The following SNTG1 variants were observed in gnomAD, a reference collection of about 807,000 sequenced individuals.
SNTG1 encodes gamma-1-syntrophin.
SNTG1 carries 39 observed loss-of-function variants against 74.7 expected under a neutral mutation model. The observed-to-expected ratio is 0.52, with a 90% CI of 0.40 to 0.68. The LOEUF (loss-of-function observed/expected upper bound fraction) is 0.68. Among genes scored for constraint, SNTG1 ranks in the 30% least tolerant of loss-of-function variants. The pLI, the probability that SNTG1 is intolerant of heterozygous loss-of-function variation, is 0.00. For synonymous variants in SNTG1, 254 were observed against 217.1 expected (o/e 1.17, Z -1.49); for missense variants, 685 against 609.5 (o/e 1.12, Z -1.30).
intron 12 of SNTG1, among the ~76,000 whole-genome samples, chr8:50,575,272 T>C (rs2094570565): frequency 6.6e-6 from 1 of 152,214 alleles, no homozygotes; most frequent in African/African-American, 2.4e-5. Flanking sequence ...TTTTTGAATA[T>C]TTATTTTTAT....
chr8:50,668,161 T>A (rs1232002460), intron 15 of SNTG1, among the ~76,000 whole-genome samples: 1 of 151,998 alleles, frequency 6.6e-6, no homozygotes, highest in Non-Finnish European at 1.5e-5. Context: ...ATTAAAAACA[T>A]AATTTTATTT....
intron 1 of SNTG1, among the ~76,000 whole-genome samples, chr8:50,154,513 G>A (rs2082189125): frequency 6.6e-6 from 1 of 151,952 alleles, no homozygotes; most frequent in Non-Finnish European, 1.5e-5. Flanking sequence ...ACCTGTCTTA[G>A]TAACTTTAGA....
At chr8:50,037,253 T>C (rs1016775781) in intron 1 of SNTG1, among the ~76,000 whole-genome samples, 1 of 152,164 alleles carries the variant, frequency 6.6e-6, no homozygotes, top group African/African-American at 2.4e-5. Flanking sequence ...ATCTTAAAGG[T>C]TTTTTGCTGA....
At chr8:50,438,444 A>T in intron 4 of SNTG1, 99 bp from the exon 5 acceptor site, 1 of 954,454 alleles carries the variant, frequency 1.0e-6, no homozygotes, top group Non-Finnish European at 1.6e-6. Flanking sequence ...TTTAAAGAGC[A>T]AAAGCAAAAC....
At chr8:50,301,400 A>T (rs1369603895) in intron 2 of SNTG1, among the ~76,000 whole-genome samples, 4 of 152,120 alleles carry the variant, frequency 2.6e-5, no homozygotes, top group Non-Finnish European at 1.5e-5. Context: ...TGAATTCCAG[A>T]ATTTCAACTT....
At chr8:50,676,979 T>C (rs1170728115) in intron 15 of SNTG1, among the ~76,000 whole-genome samples, 4 of 151,972 alleles carry the variant, frequency 2.6e-5, no homozygotes, top group Non-Finnish European at 5.9e-5. Flanking sequence ...TTCCAATATT[T>C]GGAGTGAAAA....
At chr8:49,990,828 C>T (rs1016063696) in intron 1 of SNTG1, among the ~76,000 whole-genome samples, 1 of 152,038 alleles carries the variant, frequency 6.6e-6, no homozygotes, top group African/African-American at 2.4e-5. Flanking sequence ...CCTAAAACTA[C>T]AAATATTATT....
At chr8:49,982,930 G>C (rs2130170653) in intron 1 of SNTG1, among the ~76,000 whole-genome samples, 1 of 152,290 alleles carries the variant, frequency 6.6e-6, no homozygotes, top group South Asian at 2.1e-4. Context: ...GAGTTGTAAA[G>C]TTATTGATTT....
chr8:50,452,506 C>CG (rs577318118), intron 8 of SNTG1, among the ~76,000 whole-genome samples: 129 of 152,252 alleles, frequency 8.5e-4, no homozygotes, highest in Admixed American at 2.0e-3. Context: ...TGCTGTTAGA[C>CG]GGAATGCAAT....
intron 13 of SNTG1, among the ~76,000 whole-genome samples, chr8:50,645,523 T>G (rs2095103346): frequency 1.3e-5 from 2 of 152,180 alleles, no homozygotes; most frequent in African/African-American, 2.4e-5. Context: ...GTGTGGCTTA[T>G]AAATTTTGGT....
chr8:50,274,906 T>G (rs1373807484), intron 2 of SNTG1, among the ~76,000 whole-genome samples: 1 of 152,226 alleles, frequency 6.6e-6, no homozygotes, highest in Non-Finnish European at 1.5e-5. Flanking sequence ...TAAATTCCAC[T>G]CGGTAGTACT....
At position 50,579,192 on chromosome 8, in the gene SNTG1, T is replaced by A. The variant is rs186319365; in HGVS notation, c.811-11687T>A. Among the ~76,000 whole-genome samples the A allele has an allele frequency of 3.7e-3, 568 of 152,300 alleles. 1 individual carries two copies. The highest frequency in any genetic ancestry group is 6.4e-3 in the Non-Finnish European group (432 of 68,024). On this transcript the variant is annotated intron_variant, in intron 12 of 18. Coordinates refer to ENST00000642720, the MANE Select transcript of SNTG1 (RefSeq NM_018967.5). ...TGGAGATGAGGAACTTGTTGGGAAC[T>A]GGAGTAAAGGTCACTCTTGCTATTC...
intron 12 of SNTG1, among the ~76,000 whole-genome samples, chr8:50,590,522 GATATA>G (rs1454140748): frequency 2.6e-5 from 4 of 151,954 alleles, no homozygotes; most frequent in Non-Finnish European, 4.4e-5. Flanking sequence ...AAACAAATTG[GATATA>G]ATATAATTTC....
chr8:50,357,058 C>G (rs1387894167), intron 2 of SNTG1, among the ~76,000 whole-genome samples: 2 of 152,172 alleles, frequency 1.3e-5, no homozygotes, highest in Admixed American at 1.3e-4. Context: ...CTTTTTTTCT[C>G]TCCCTGGTTG....
At chr8:50,713,744 T>A (rs1359574643) in intron 17 of SNTG1, among the ~76,000 whole-genome samples, 1 of 152,104 alleles carries the variant, frequency 6.6e-6, no homozygotes, top group Non-Finnish European at 1.5e-5. Flanking sequence ...GGCTAGCCAG[T>A]TTTCCCAGCA....
chr8:50,123,892 A>C (rs2081067462), intron 1 of SNTG1, among the ~76,000 whole-genome samples: 1 of 142,664 alleles, frequency 7.0e-6, no homozygotes, highest in Admixed American at 7.2e-5. Flanking sequence ...TCAAACGTAG[A>C]CATCCCATTT....
intron 2 of SNTG1, among the ~76,000 whole-genome samples, chr8:50,196,747 A>G (rs2083784181): frequency 6.6e-6 from 1 of 151,286 alleles, no homozygotes; most frequent in Admixed American, 6.6e-5. Context: ...ACTTGAGGTC[A>G]GGTGTTTGAG....
At chr8:50,536,415 G>T (rs1233379723) in intron 10 of SNTG1, among the ~76,000 whole-genome samples, 3 of 151,860 alleles carry the variant, frequency 2.0e-5, no homozygotes, top group Non-Finnish European at 4.4e-5. Flanking sequence ...TTTCCTTCCA[G>T]CTCCCCTCAT....
chr8:50,571,381 C>T (rs1234000139), intron 12 of SNTG1, among the ~76,000 whole-genome samples: 2 of 152,192 alleles, frequency 1.3e-5, no homozygotes, highest in African/African-American at 2.4e-5. Flanking sequence ...CATACTTTGT[C>T]CAGTGAAAGA....
Sources: gnomAD v4.1 joint callset for allele counts (sites outside exome capture counted in the v4.1 genomes callset) on GRCh38, gnomAD v4.1.1 for gene constraint, MANE v1.5 for transcripts, NCBI Gene and HGNC (gene_info 2026-07-23, HGNC 2026-07-21) for gene names.